SAMD5: variants seen among roughly 807,000 people sequenced by gnomAD.
SAMD5 encodes sterile alpha motif domain-containing protein 5.
Under a neutral mutation model 11.3 loss-of-function variants are expected in SAMD5, and 13 were observed. That is an observed-to-expected ratio of 1.15 (90% confidence interval 0.75 to 1.83). The LOEUF is 1.83. Among genes scored for constraint, SAMD5 ranks in the 40% most tolerant of loss-of-function variants. SAMD5 has a pLI of 0.00. For synonymous variants in SAMD5, 129 were observed against 111.3 expected, an observed-to-expected ratio of 1.16 and a Z score of -1.00; for missense variants, 255 against 239.1, an observed-to-expected ratio of 1.07 and a Z score of -0.44.
intron 1 of SAMD5, among the ~76,000 whole-genome samples, chr6:147,732,387 T>C (rs1331606778): frequency 6.6e-6 from 1 of 152,228 alleles, no homozygotes; most frequent in African/African-American, 2.4e-5. Flanking sequence ...AATAATTCTC[T>C]AATTTAATTA....
chr6:147,644,018 G>A (rs371881155), intron 1 of SAMD5, among the ~76,000 whole-genome samples: 1 of 152,192 alleles, frequency 6.6e-6, no homozygotes, highest in East Asian at 1.9e-4. Flanking sequence ...AAATTGGTAC[G>A]TTATTTGCAT....
intron 1 of SAMD5, among the ~76,000 whole-genome samples, chr6:147,629,066 G>A (rs1790100909): frequency 1.3e-5 from 2 of 152,226 alleles, no homozygotes; most frequent in Middle Eastern, 3.4e-3. Context: ...CAAGGTGGGA[G>A]GATCACCTGA....
chr6:147,840,004 C>CA, the SAMD5 span, among the ~76,000 whole-genome samples: 4 of 152,154 alleles, frequency 2.6e-5, no homozygotes, highest in Non-Finnish European at 5.9e-5. Context: ...GCTTTTGATC[C>CA]AAAACCCATG....
At chr6:147,691,741 A>G (rs968285767) in intron 1 of SAMD5, among the ~76,000 whole-genome samples, 1 of 152,158 alleles carries the variant, frequency 6.6e-6, no homozygotes, top group African/African-American at 2.4e-5. Context: ...TGCTTATTTG[A>G]GACTCTTTTA....
At chr6:147,915,729 G>A in the SAMD5 span, among the ~76,000 whole-genome samples, 84 of 152,214 alleles carry the variant, frequency 5.5e-4, no homozygotes, top group African/African-American at 1.9e-3. Context: ...AGCTCCAAGA[G>A]GAAAGAATTG....
the SAMD5 span, among the ~76,000 whole-genome samples, chr6:147,807,846 G>A: frequency 6.6e-6 from 1 of 152,168 alleles, no homozygotes; most frequent in African/African-American, 2.4e-5. Flanking sequence ...TTAGACTGTA[G>A]AACTTAGTCT....
the SAMD5 span, among the ~76,000 whole-genome samples, chr6:147,880,928 T>C: frequency 6.6e-6 from 1 of 152,306 alleles, no homozygotes; most frequent in East Asian, 1.9e-4. Flanking sequence ...CTCAAGGGCC[T>C]TTTCTTGGGC....
At chr6:147,954,175 A>G in the SAMD5 span, among the ~76,000 whole-genome samples, 50 of 152,344 alleles carry the variant, frequency 3.3e-4, no homozygotes, top group African/African-American at 1.2e-3. Context: ...CAGTAAATAC[A>G]GTCATTATTT....
the SAMD5 span, among the ~76,000 whole-genome samples, chr6:147,764,536 C>A: frequency 2.6e-5 from 4 of 152,016 alleles, no homozygotes; most frequent in Non-Finnish European, 5.9e-5. Context: ...TCTCTCATGC[C>A]CTGATACATT....
the SAMD5 span, among the ~76,000 whole-genome samples, chr6:147,827,226 C>T: frequency 6.6e-6 from 1 of 152,022 alleles, no homozygotes; most frequent in Non-Finnish European, 1.5e-5. Flanking sequence ...AGGCTTCTGC[C>T]AGCTGAAGCC....
rs902313417 is a variant in SAMD5, at chr6:147,706,282, C to T, written c.163-31035C>T. On this transcript the variant is annotated intron_variant, in intron 1 of 1. Transcript: ENST00000566741. ...TGTTACCCAGGCTGGAGTGCAGTGG[C>T]GCGATCTTGGCTCACTGCAACCTCT... Among the ~76,000 whole-genome samples the T allele has an allele frequency of 3.3e-5, 5 of 152,118 alleles. No individual in the cohort carries two copies. The East Asian group carries it at 5.8e-4, about 18-fold the overall frequency.
chr6:147,687,961 A>G (rs1394904317), intron 1 of SAMD5, among the ~76,000 whole-genome samples: 1 of 152,208 alleles, frequency 6.6e-6, no homozygotes, highest in East Asian at 1.9e-4. Flanking sequence ...TCAGTTTTAG[A>G]TGAAAATTTC....
chr6:147,813,338 A>AT, the SAMD5 span, among the ~76,000 whole-genome samples: 1 of 152,242 alleles, frequency 6.6e-6, no homozygotes, highest in Non-Finnish European at 1.5e-5. Flanking sequence ...TTGAGACTGC[A>AT]AACAGTTTAA....
At chr6:147,861,183 T>TA in the SAMD5 span, among the ~76,000 whole-genome samples, 1 of 151,776 alleles carries the variant, frequency 6.6e-6, no homozygotes, top group African/African-American at 2.4e-5. Context: ...TTTTTTTTTT[T>TA]AATCAGAGTC....
chr6:147,928,179 CAT>C, the SAMD5 span, among the ~76,000 whole-genome samples: 2 of 152,186 alleles, frequency 1.3e-5, no homozygotes, highest in African/African-American at 4.8e-5. Flanking sequence ...ATGCTGGACT[CAT>C]AGAATGAGTT....
the SAMD5 span, among the ~76,000 whole-genome samples, chr6:147,809,888 T>TG: frequency 6.6e-6 from 1 of 152,194 alleles, no homozygotes; most frequent in African/African-American, 2.4e-5. Context: ...AAATGTCCCC[T>TG]GGGGGCAAAA....
At chr6:147,882,979 C>G in the SAMD5 span, among the ~76,000 whole-genome samples, 1 of 152,138 alleles carries the variant, frequency 6.6e-6, no homozygotes, top group Non-Finnish European at 1.5e-5. Context: ...AGTTTATTAG[C>G]TTGGTTCAGT....
At chr6:147,659,419 A>G (rs145061861) in intron 1 of SAMD5, among the ~76,000 whole-genome samples, 1 of 152,280 alleles carries the variant, frequency 6.6e-6, no homozygotes, top group East Asian at 1.9e-4. Flanking sequence ...ATGAGAAGAG[A>G]GCAAAACAAC....
the SAMD5 span, among the ~76,000 whole-genome samples, chr6:147,921,416 T>C: frequency 6.6e-6 from 1 of 152,142 alleles, no homozygotes; most frequent in East Asian, 1.9e-4. Context: ...TATGAGAGAT[T>C]AGTGCCGCCA....
Sources: gnomAD v4.1 joint callset for allele counts (sites outside exome capture counted in the v4.1 genomes callset) on GRCh38, gnomAD v4.1.1 for gene constraint, MANE v1.5 for transcripts, NCBI Gene and HGNC (gene_info 2026-07-23, HGNC 2026-07-21) for gene names.